Variants in WDR81 observed in about 807,000 individuals in gnomAD.
WDR81 encodes the protein WD repeat-containing protein 81.
In WDR81, 92 loss-of-function variants were observed where a neutral mutation model predicts 140.8. That is an observed-to-expected ratio of 0.65 (90% CI 0.55 to 0.78). The LOEUF is 0.78. WDR81 is among the 30% of genes least tolerant of loss of function. The pLI is 0.00. For synonymous variants in WDR81, 1,183 were observed against 1,156.4 expected (o/e 1.02, Z -0.47); for missense variants, 2,502 against 2,636.4 (o/e 0.95, Z 1.12).
At chr17:1,737,123 C>T (rs1437436358) in intron 9 of WDR81, among the ~76,000 whole-genome samples, 2 of 152,218 alleles carry the variant, frequency 1.3e-5, no homozygotes, top group African/African-American at 2.4e-5. Context: ...TCGTCACGTG[C>T]ACGCCTGGCA....
upstream of WDR81, among the ~76,000 whole-genome samples, chr17:1,721,530 A>G (rs555051029): frequency 4.6e-5 from 7 of 151,884 alleles, no homozygotes; most frequent in Non-Finnish European, 1.0e-4. Flanking sequence ...AAAAAAATAA[A>G]TAAAAAATCA....
In WDR81 at chr17:1,726,266, A is replaced by C. The variant is rs1401589161; in HGVS notation, c.1307A>C (p.His436Pro). ...AGGAGGGEPPHVPHHISDVLS... is the reference protein window; with the variant it reads ...AGGAGGGEPPPVPHHISDVLS... ...GGGGCGGGCGGCGGGGAACCCCCTC[A>C]TGTTCCCCACCACATCTCAGACGTG... The change falls in exon 1 of 10, where the codon CAT becomes CCT. Residue 436 changes from histidine to proline, a missense_variant. Physicochemically the swap from His to Pro is moderately conservative, Grantham distance 77. Around this residue, in one of 3 missense-constraint regions of WDR81, gnomAD observed 218 missense variants for 279.6 expected, o/e 0.78. Transcript: ENST00000409644. The C allele has an allele frequency of 1.0e-5, 16 of 1,537,622 alleles. No individual in the cohort carries two copies. The highest frequency in any genetic ancestry group is 1.4e-5 in the Non-Finnish European group (16 of 1,139,838).
intron 9 of WDR81, among the ~76,000 whole-genome samples, chr17:1,736,650 C>A (rs1904892392): frequency 6.6e-6 from 1 of 152,128 alleles, no homozygotes. Flanking sequence ...GCCGGGCTGC[C>A]CTGGCTGGGG....
Position 1,734,415 on chromosome 17 carries a change from T to C in WDR81, c.5179+199T>C, listed in dbSNP as rs115618521. Among the ~76,000 whole-genome samples the C allele has an allele frequency of 2.4e-3, 364 of 152,348 alleles. 1 individual carries two copies. Among genetic ancestry groups the C allele is most frequent in the African/African-American group, 8.1e-3 (336 of 41,584 alleles). On this transcript the variant is annotated intron_variant, in intron 7 of 9. Coordinates refer to ENST00000409644, the MANE Select transcript of WDR81 (RefSeq NM_001163809.2). ...CCACCGGCTTACTTGCTGAGTGACC[T>C]TGAGCAAGTTCCTGCTGCTGGAAGC... is the stretch of plus-strand genomic sequence containing the variant.
At chr17:1,731,833 G>A (rs1456669472) in intron 4 of WDR81, among the ~76,000 whole-genome samples, 1 of 151,998 alleles carries the variant, frequency 6.6e-6, no homozygotes, top group African/African-American at 2.4e-5. Flanking sequence ...AGGCTGAGGC[G>A]GGAGAATTGC....
At position 1,727,360 on chromosome 17, in the gene WDR81, C is replaced by T; in HGVS notation, c.2401C>T (p.Gln801Ter). Residue 801 changes from glutamine (Q) to a stop codon, truncating the protein, a stop_gained, in exon 1 of 10, where the codon CAG becomes TAG. Coordinates refer to ENST00000409644, the MANE Select transcript of WDR81 (RefSeq NM_001163809.2). LOFTEE classifies it high-confidence loss of function. ...QPDAPLWVRF[Q>*]AVRGLCTRHP... ...CGATGCACCTTTGTGGGTACGCTTC[C>T]AGGCTGTCCGAGGGCTCTGCACGCG... The T allele has an allele frequency of 6.5e-7, 1 of 1,550,138 alleles. No homozygotes were observed. Among genetic ancestry groups the T allele is most frequent in the African/African-American group, 1.4e-5 (1 of 73,176 alleles).
rs372953063 is a variant in WDR81 at position 1,730,347 on chromosome 17, C to G, written c.3668-33C>G. On this transcript the variant is annotated intron_variant, in intron 1 of 9. Coordinates refer to ENST00000409644, the MANE Select transcript of WDR81 (RefSeq NM_001163809.2). ...GGGAGGGGTGATGAGCCCCTGTTATCTGAGGAGCTCAGGGCCTGCTCCCAC... is the reference window on the plus strand; with the variant it reads ...GGGAGGGGTGATGAGCCCCTGTTATGTGAGGAGCTCAGGGCCTGCTCCCAC... 1.3e-5 allele frequency: 20 copies of G among 1,563,806 alleles called. No homozygotes were observed. The African/African-American group carries it at 1.5e-4, about 12-fold the overall frequency.
rs924969862 is a variant in WDR81, at chr17:1,726,026, G to T, written c.1067G>T (p.Arg356Leu). ...RSLVLDWVHG[R>L]ISNFHYLMQL... is the part of the protein sequence containing the mutation. The stretch of plus-strand genomic sequence containing the variant: ...CTCGTGCTAGATTGGGTCCACGGCC[G>T]CATCAGCAACTTCCACTACCTCATG... The change falls in exon 1 of 10, where the codon CGC becomes CTC. Residue 356 changes from arginine to leucine, a missense_variant. By Grantham distance (102) the Arg-to-Leu change is moderately radical. Transcript: ENST00000409644. 6.5e-7 allele frequency: 1 copy of T among 1,544,012 alleles called. No individual in the cohort carries two copies. Among genetic ancestry groups the T allele is most frequent in the East Asian group, 2.5e-5 (1 of 40,758 alleles).
chr17:1,728,418 G>A lies in WDR81; in HGVS notation c.3459G>A (p.Glu1153=), dbSNP rs1567721369. 6.2e-7 allele frequency: 1 copy of A among 1,612,688 alleles called. No individual in the cohort carries two copies. ...SQDLKQSEGS[E]EEEEEEDSCV... ...ACTTGAAGCAAAGCGAGGGCTCCGA[G>A]GAGGAAGAGGAGGAGGAGGACAGCT... Residue 1153 remains glutamate, a synonymous_variant, in exon 1 of 10, where the codon GAG becomes GAA. Transcript: ENST00000409644.
chr17:1,720,739 T>TG (rs1236187216), upstream of WDR81, among the ~76,000 whole-genome samples: 5 of 147,558 alleles, frequency 3.4e-5, no homozygotes, highest in African/African-American at 1.3e-4. Flanking sequence ...CACTCCAGCC[T>TG]GGGCGACAGA....
chr17:1,737,866 C>A lies in WDR81; in HGVS notation c.*181C>A. The A allele has an allele frequency of 1.3e-6, 1 of 758,560 alleles. No homozygotes were observed. The highest frequency in any genetic ancestry group is 2.1e-6 in the Non-Finnish European group (1 of 482,838). The allele number at this position is 758,560 out of a possible 1,614,324, so 47.0% of individuals were successfully genotyped here. A position where few individuals can be genotyped will look rare whatever the true frequency, so the allele number is the denominator to read the frequency against. On this transcript the variant is annotated 3_prime_UTR_variant, in exon 10 of 10. Transcript: ENST00000409644. ...GGGGGAGTCCTGGCCCCTGAATCAC[C>A]AGAGCCACCAAGCCTGCCAGAGGGG...
rs751848166 is a variant in WDR81 at position 1,733,972 on chromosome 17, G to A, written c.4935G>A (p.Pro1645=). ...HFHQIRLQSF[P]GHSGAVKCVA... ...ACCAGATCCGCCTGCAGAGCTTCCC[G>A]GGCCACTCGGGGGCCGTCAAGTGCG... is the stretch of plus-strand genomic sequence containing the variant. The change falls in exon 7 of 10, where the codon CCG becomes CCA. Residue 1645 remains proline (P), a synonymous_variant. Coordinates refer to ENST00000409644, the MANE Select transcript of WDR81 (RefSeq NM_001163809.2). 6.2e-6 allele frequency: 10 copies of A among 1,612,806 alleles called. No homozygotes were observed. Among genetic ancestry groups the A allele is most frequent in the South Asian group, 5.5e-5 (5 of 91,084 alleles).
rs372813175 is a variant in WDR81 at position 1,736,308 on chromosome 17, G to T, written c.5505+90G>T. On this transcript the variant is annotated intron_variant, in intron 9 of 9. Transcript: ENST00000409644. ...CTTAGGGTCTGCCTGCCCGGGTTCA[G>T]GCTCGAACTGGTCTGTCTTATATAC... The T allele has an allele frequency of 1.1e-4, 161 of 1,436,204 alleles. No homozygotes were observed. In the African/African-American group the frequency reaches 2.0e-3, roughly 18 times the overall value. 89.0% of individuals were successfully genotyped at this position (1,436,204 alleles called of 1,614,324 possible).
At position 1,725,980 on chromosome 17, in the gene WDR81, G is replaced by A; in HGVS notation, c.1021G>A (p.Gly341Ser). The A allele has an allele frequency of 6.5e-7, 1 of 1,549,842 alleles. No homozygotes were observed. The highest frequency in any genetic ancestry group is 8.7e-7 in the Non-Finnish European group (1 of 1,146,400). The change falls in exon 1 of 10, where the codon GGC (glycine) becomes AGC (serine). Residue 341 changes from glycine to serine, a missense_variant. Physicochemically the swap from Gly to Ser is moderately conservative, Grantham distance 56 (BLOSUM62 0). Around this residue, in one of 3 missense-constraint regions of WDR81, gnomAD observed 547 missense variants for 513.8 expected, o/e 1.06. Coordinates refer to ENST00000409644, the MANE Select transcript of WDR81 (RefSeq NM_001163809.2). ...GGGAGGGCAACCTGGGCAACCCACTGGCCAGGAGGAACTTCGGAGCCTCGT... is the reference window on the plus strand; with the variant it reads ...GGGAGGGCAACCTGGGCAACCCACTAGCCAGGAGGAACTTCGGAGCCTCGT... Reference protein sequence around the residue: ...EQGGQPGQPTGQEELRSLVLD... With the variant: ...EQGGQPGQPTSQEELRSLVLD...
rs142771949 is a variant in WDR81, at chr17:1,717,703, C to A, written c.-124+1070C>A. Among the ~76,000 whole-genome samples the A allele has an allele frequency of 5.0e-3, 761 of 152,310 alleles. 8 individuals carry two copies. The highest frequency in any genetic ancestry group is 0.017 in the African/African-American group (723 of 41,570). The stretch of plus-strand genomic sequence containing the variant: ...CTCCCATGGGTGGTGAAGGAAAGAA[C>A]GTGGGGGATGTGATTGTATGATCTT... On this transcript the variant is annotated intron_variant, in intron 1 of 10. Coordinates refer to the WDR81 transcript ENST00000309182.
rs1283176461 is a variant in WDR81 at position 1,725,587 on chromosome 17, C to T, written c.628C>T (p.Arg210Trp). 1.9e-6 allele frequency: 3 copies of T among 1,545,060 alleles called. No individual in the cohort carries two copies. The highest frequency in any genetic ancestry group is 1.4e-5 in the African/African-American group (1 of 73,056). The change falls in exon 1 of 10, where the codon CGG (arginine) becomes TGG (tryptophan). Residue 210 changes from arginine to tryptophan, a missense_variant. Transcript: ENST00000409644. ...SYAREGPCPP[R>W]GSPACPSLLR... The stretch of plus-strand genomic sequence containing the variant: ...TGCCAGAGAAGGCCCCTGCCCCCCT[C>T]GGGGCAGCCCTGCTTGCCCTAGTCT...
rs1362900463 is a variant in WDR81 at position 1,727,504 on chromosome 17, A to G, written c.2545A>G (p.Arg849Gly). Reference sequence around the variant, plus strand: ...CAAGCTGGACCAACTGTTTGAGTACAGGCCTGTCTCCCAGGGCCTGCCCCC... The same window carrying G: ...CAAGCTGGACCAACTGTTTGAGTACGGGCCTGTCTCCCAGGGCCTGCCCCC... ...RGKLDQLFEY[R>G]PVSQGLPPPC... The change falls in exon 1 of 10, where the codon AGG (arginine) becomes GGG (glycine). Residue 849 changes from arginine (R) to glycine (G), a missense_variant. This residue lies in a region of WDR81 where 1,737 missense variants were observed against 1,843.0 expected (regional missense o/e 0.94). Coordinates refer to ENST00000409644, the MANE Select transcript of WDR81 (RefSeq NM_001163809.2). The G allele has an allele frequency of 4.5e-6, 7 of 1,550,288 alleles. No homozygotes were observed. The highest frequency in any genetic ancestry group is 6.1e-6 in the Non-Finnish European group (7 of 1,147,004).
Position 1,724,995 on chromosome 17 carries a change from C to A in WDR81, c.36C>A (p.Leu12=). 6.8e-7 allele frequency: 1 copy of A among 1,467,498 alleles called. No homozygotes were observed. Among genetic ancestry groups the A allele is most frequent in the South Asian group, 1.4e-5 (1 of 71,858 alleles). The allele number at this position is 1,467,498 out of a possible 1,614,324, so 90.9% of individuals were successfully genotyped here. A position where few individuals can be genotyped will look rare whatever the true frequency, so the allele number is the denominator to read the frequency against. ...GCAGCGGGGGGCGGGAAGGCGCTCTCAGAACCCCGGCCGGGGGCTGGCATT... is the reference window on the plus strand; with the variant it reads ...GCAGCGGGGGGCGGGAAGGCGCTCTAAGAACCCCGGCCGGGGGCTGGCATT... ...AQGSGGREGA[L]RTPAGGWHSP... The change falls in exon 1 of 10, where the codon CTC becomes CTA. Residue 12 remains leucine (L), a synonymous_variant. Transcript: ENST00000409644.
rs1240042027 is a variant in WDR81 at position 1,726,481 on chromosome 17, G to A, written c.1522G>A (p.Asp508Asn). The A allele has an allele frequency of 1.8e-5, 28 of 1,550,382 alleles. No homozygotes were observed. The highest frequency in any genetic ancestry group is 2.1e-5 in the Non-Finnish European group (24 of 1,147,020). The change falls in exon 1 of 10, where the codon GAC (aspartate) becomes AAC (asparagine). Residue 508 changes from aspartate to asparagine, a missense_variant. Asp to Asn is a conservative substitution (Grantham distance 23). Around this residue, in one of 3 missense-constraint regions of WDR81, gnomAD observed 218 missense variants for 279.6 expected, o/e 0.78. Coordinates refer to ENST00000409644, the MANE Select transcript of WDR81 (RefSeq NM_001163809.2). ...DPSIFRSIHP[D>N]MPDLDVPAWC... ...CTCTATCTTCCGCTCCATCCACCCC[G>A]ACATGCCTGACCTGGATGTGCCAGC...
Sources: allele counts gnomAD v4.1 joint callset (sites outside exome capture counted in the v4.1 genomes callset), GRCh38; gene constraint gnomAD v4.1.1; regional missense constraint gnomAD v4.1.1; transcripts MANE v1.5; gene names NCBI Gene and HGNC (gene_info 2026-07-23, HGNC 2026-07-21).